Variants in RPS6KA2 observed in about 807,000 individuals in gnomAD.
RPS6KA2 encodes the protein ribosomal protein S6 kinase alpha-2.
RPS6KA2 carries 42 observed loss-of-function variants against 91.8 expected under a neutral mutation model. That is an observed-to-expected ratio of 0.46 (90% CI 0.36 to 0.59). The LOEUF is 0.59. Ranked by LOEUF, RPS6KA2 falls within the 20% of genes least tolerant of loss-of-function variation. RPS6KA2 has a pLI of 0.00. For synonymous variants in RPS6KA2, 414 were observed against 393.6 expected (o/e 1.05, Z -0.61); for missense variants, 798 against 978.5 (o/e 0.82, Z 2.46).
chr6:166,753,029 A>G (rs1777894986), intron 2 of RPS6KA2, among the ~76,000 whole-genome samples: 2 of 152,234 alleles, frequency 1.3e-5, no homozygotes, highest in Non-Finnish European at 2.9e-5. Context: ...GGCAGAAACA[A>G]GATACCACTC....
In RPS6KA2 at chr6:166,445,621, G is replaced by A. The variant is rs891562833; in HGVS notation, c.1332+3103C>T. ...ATGACTGCCCTGGGCAGAATCCATC[G>A]ATTCTGGTCACTCTCCTCATTGCTT... On this transcript the variant is annotated intron_variant, in intron 14 of 20. Transcript: ENST00000265678. This position sits in a 1 kb window ranked among gnomAD's most constrained non-coding sequence, Gnocchi z 4.5. Among the ~76,000 whole-genome samples the A allele has an allele frequency of 6.6e-6, 1 of 152,154 alleles. No homozygotes were observed. Among genetic ancestry groups the A allele is most frequent in the Admixed American group, 6.5e-5 (1 of 15,272 alleles).
In RPS6KA2 at chr6:166,493,726, T is replaced by C. The variant is rs1168732250; in HGVS notation, c.748-2985A>G. ...CAGTGCTTCTCAACTGGGGTCACCG[T>C]TGCCTGCCAGGGGACATTTCCGGCT... On this transcript the variant is annotated intron_variant, in intron 8 of 20. Transcript: ENST00000265678. This position sits in a 1 kb window ranked among gnomAD's most constrained non-coding sequence, Gnocchi z 4.7. Among the ~76,000 whole-genome samples the C allele has an allele frequency of 1.3e-5, 2 of 152,182 alleles. No homozygotes were observed. Among genetic ancestry groups the C allele is most frequent in the Non-Finnish European group, 2.9e-5 (2 of 68,030 alleles).
intron 3 of RPS6KA2, among the ~76,000 whole-genome samples, chr6:166,518,636 A>G (rs17584003): frequency 0.13 from 19,820 of 152,246 alleles, 1,655 homozygotes; most frequent in South Asian, 0.26. Context: ...CCCCAGGCAC[A>G]ATGTGGCCTA....
chr6:166,736,360 C>T (rs545704580), intron 2 of RPS6KA2, among the ~76,000 whole-genome samples: 144 of 152,328 alleles, frequency 9.5e-4, no homozygotes, highest in Middle Eastern at 6.8e-3. Context: ...AGGGGCACAC[C>T]GTAACTGTGT....
At chr6:166,632,275 C>T (rs1787102195) in intron 2 of RPS6KA2, among the ~76,000 whole-genome samples, 1 of 152,208 alleles carries the variant, frequency 6.6e-6, no homozygotes, top group South Asian at 2.1e-4. Flanking sequence ...GGAACCCTTA[C>T]ATGAGGTATA....
chr6:166,508,273 G>A lies in RPS6KA2; in HGVS notation c.389C>T (p.Thr130Met), dbSNP rs760698571. Residue 130 changes from threonine to methionine, a missense_variant, in exon 5 of 21, where the codon ACG becomes ATG. By Grantham distance (81) the Thr-to-Met change is moderately conservative (BLOSUM62 -1). Coordinates refer to ENST00000265678, the MANE Select transcript of RPS6KA2 (RefSeq NM_021135.6). This position sits in a 1 kb window ranked among gnomAD's most constrained non-coding sequence, Gnocchi z 4.3. ...FIVKLHYAFQ[T>M]EGKLYLILDF... ...CAGGATCAGGTAGAGCTTTCCTTCC[G>A]TCTGAAAGGCTGTGGGGGACAGAGA... 1.5e-5 allele frequency: 24 copies of A among 1,611,074 alleles called. No individual in the cohort carries two copies. Among genetic ancestry groups the A allele is most frequent in the South Asian group, 2.2e-5 (2 of 90,998 alleles).
At chr6:166,567,392 C>G (rs367774735) in intron 1 of RPS6KA2, among the ~76,000 whole-genome samples, 59 of 152,304 alleles carry the variant, frequency 3.9e-4, no homozygotes, top group African/African-American at 1.3e-3. Context: ...CCCAGAGGTT[C>G]ACGTGAGTCA....
intron 13 of RPS6KA2, among the ~76,000 whole-genome samples, chr6:166,449,574 T>A (rs1233627042): frequency 6.6e-6 from 1 of 152,162 alleles, no homozygotes; most frequent in East Asian, 1.9e-4. Flanking sequence ...TTCCATTTCA[T>A]CATGGGAAAA....
chr6:166,641,030 C>G (rs1787415950), intron 2 of RPS6KA2, among the ~76,000 whole-genome samples: 1 of 152,134 alleles, frequency 6.6e-6, no homozygotes, highest in Non-Finnish European at 1.5e-5. Context: ...AACTCCAATC[C>G]AAACTTATAG....
rs139608040 is a variant in RPS6KA2 at position 166,758,163 on chromosome 6, C to A, written c.123+100037G>T. ...ATTTAAACTGAAAGGAGGAGGCAGGCGTAGGAGGAAGGTGAATGAAAATGG... is the reference window on the plus strand; with the variant it reads ...ATTTAAACTGAAAGGAGGAGGCAGGAGTAGGAGGAAGGTGAATGAAAATGG... On this transcript the variant is annotated intron_variant, in intron 2 of 21. Transcript: ENST00000503859. Among the ~76,000 whole-genome samples, 740 of 152,278 alleles carry A rather than the reference C, an allele frequency of 4.9e-3. 2 individuals carry two copies. Among genetic ancestry groups the A allele is most frequent in the Non-Finnish European group, 8.2e-3 (555 of 68,018 alleles).
intron 3 of RPS6KA2, among the ~76,000 whole-genome samples, chr6:166,516,415 AG>A (rs1782642818): frequency 6.6e-6 from 1 of 151,504 alleles, no homozygotes; most frequent in Admixed American, 6.6e-5. Flanking sequence ...CAGGCTCTGC[AG>A]GAAGCCAGGG....
chr6:166,616,679 C>A (rs1218488077), intron 1 of RPS6KA2, among the ~76,000 whole-genome samples: 1 of 152,228 alleles, frequency 6.6e-6, no homozygotes, highest in Non-Finnish European at 1.5e-5. Flanking sequence ...CAGGCCAGAG[C>A]CCAGGCCCAC....
At position 166,764,302 on chromosome 6, in the gene RPS6KA2, G is replaced by A. The variant is rs564801716; in HGVS notation, c.123+93898C>T. On this transcript the variant is annotated intron_variant, in intron 2 of 21. Transcript: ENST00000503859. ...GGCAGAGGGAAGGACACCAGGGGGC[G>A]CGTGAAAAGGAAGACTGTGAGGCGG... Among the ~76,000 whole-genome samples the A allele has an allele frequency of 3.1e-3, 469 of 152,268 alleles. 2 individuals are homozygous for A. Among genetic ancestry groups the A allele is most frequent in the Non-Finnish European group, 4.2e-3 (289 of 68,022 alleles).
chr6:166,457,743 G>T (rs549649219), intron 12 of RPS6KA2, among the ~76,000 whole-genome samples: 21 of 152,078 alleles, frequency 1.4e-4, no homozygotes, highest in Non-Finnish European at 2.4e-4. Context: ...ATCTGCACAC[G>T]CTCACACCCT....
rs980249923 is a variant in RPS6KA2 at position 166,612,504 on chromosome 6, C to T, written c.99+14417G>A. ...CGCGGGCTTGCAACCAGGCACTCTT[C>T]CTCTCTCCCTCCATGACAGACCAGG... is the stretch of plus-strand genomic sequence containing the variant. On this transcript the variant is annotated intron_variant, in intron 1 of 20. Coordinates refer to ENST00000265678, the MANE Select transcript of RPS6KA2 (RefSeq NM_021135.6). The surrounding 1 kb of genome is among the most constrained non-coding windows in gnomAD (Gnocchi z 4.3). Among the ~76,000 whole-genome samples the T allele has an allele frequency of 6.6e-6, 1 of 152,138 alleles. No individual in the cohort carries two copies. The highest frequency in any genetic ancestry group is 1.5e-5 in the Non-Finnish European group (1 of 68,038).
intron 2 of RPS6KA2, among the ~76,000 whole-genome samples, chr6:166,638,276 C>T (rs1255046622): frequency 6.6e-6 from 1 of 152,272 alleles, no homozygotes; most frequent in African/African-American, 2.4e-5. Flanking sequence ...AGGAGCACAG[C>T]CCGAAAGCCA....
chr6:166,604,190 A>C (rs776714364), intron 1 of RPS6KA2, among the ~76,000 whole-genome samples: 6 of 152,224 alleles, frequency 3.9e-5, no homozygotes, highest in Non-Finnish European at 8.8e-5. Context: ...ACAGCTCTGC[A>C]TGGAGATGTG....
At chr6:166,701,490 T>C in intron 2 of RPS6KA2, 2 of 1,214,236 alleles carry the variant, frequency 1.6e-6, no homozygotes, top group Non-Finnish European at 1.2e-6. Context: ...CCTTAGCATC[T>C]GGTGCTTCCA....
At chr6:166,416,193 TC>T (rs1322604584) in intron 19 of RPS6KA2, among the ~76,000 whole-genome samples, 1 of 151,840 alleles carries the variant, frequency 6.6e-6, no homozygotes, top group African/African-American at 2.4e-5. Flanking sequence ...CCATCCTTTC[TC>T]CATCAACCCT....
Sources: allele counts gnomAD v4.1 joint callset (sites outside exome capture counted in the v4.1 genomes callset), GRCh38; gene constraint gnomAD v4.1.1; non-coding constraint Gnocchi (gnomAD v3.1); transcripts MANE v1.5; gene names NCBI Gene and HGNC (gene_info 2026-07-23, HGNC 2026-07-21).